The following ERCC4 variants were observed in gnomAD, a reference collection of about 807,000 sequenced individuals.
ERCC4 encodes ERCC excision repair 4, endonuclease catalytic subunit, also known as DNA repair endonuclease XPF.
ERCC4 carries 65 observed loss-of-function variants against 76.9 expected under a neutral mutation model. That is an observed-to-expected ratio of 0.84 (90% CI 0.69 to 1.04). The LOEUF is 1.04. ERCC4 is among the 50% of genes least tolerant of loss of function. The pLI is 0.00. For missense variants in ERCC4, 1,214 were observed against 1,128.2 expected, an observed-to-expected ratio of 1.08 and a Z score of -1.09; for synonymous variants, 463 against 410.1, an observed-to-expected ratio of 1.13 and a Z score of -1.56.
chr16:13,937,899 G>A (rs751519033), intron 9 of ERCC4, 41 bp downstream of exon 9: 2 of 1,209,414 alleles, frequency 1.7e-6, no homozygotes, highest in Admixed American at 3.4e-5. Flanking sequence ...CAACTACATT[G>A]GAAACCTCTG....
chr16:13,943,788 G>A (rs1012755168), intron 9 of ERCC4, among the ~76,000 whole-genome samples: 2 of 140,948 alleles, frequency 1.4e-5, no homozygotes, highest in Admixed American at 6.9e-5. Flanking sequence ...GTGAACCCAA[G>A]CAGGGAAGAG....
At chr16:13,942,809 TAACA>T (rs2032441273) in intron 9 of ERCC4, among the ~76,000 whole-genome samples, 1 of 152,224 alleles carries the variant, frequency 6.6e-6, no homozygotes. Context: ...TTAGCCAGTG[TAACA>T]AGTAGAAACA....
At chr16:13,938,728 T>G (rs1419632334) in intron 9 of ERCC4, among the ~76,000 whole-genome samples, 1 of 152,192 alleles carries the variant, frequency 6.6e-6, no homozygotes, top group Non-Finnish European at 1.5e-5. Context: ...GAAATTATTT[T>G]TAGCAGTAGT....
chr16:13,947,527 A>T (rs2141619533), intron 10 of ERCC4, 87 bp from the exon 11 acceptor site: 1 of 1,300,624 alleles, frequency 7.7e-7, no homozygotes, highest in Non-Finnish European at 1.1e-6. Context: ...CATCAGAGTT[A>T]ACAACAGAAA....
rs1177954651 is a variant in ERCC4, at chr16:13,952,312, G to A, written c.*3965G>A. 1.1e-5 allele frequency: 2 copies of A among 182,774 alleles called. No individual in the cohort carries two copies. The highest frequency in any genetic ancestry group is 2.3e-5 in the Non-Finnish European group (2 of 85,872). 11.3% of individuals were successfully genotyped at this position (182,774 alleles called of 1,614,324 possible). A position where few individuals can be genotyped will look rare whatever the true frequency, so the allele number is the denominator to read the frequency against. On this transcript the variant is annotated 3_prime_UTR_variant, in exon 11 of 11. Coordinates refer to ENST00000311895, the MANE Select transcript of ERCC4 (RefSeq NM_005236.3). ...GTTTCATTTTTTTTGTTTTTGTTAT[G>A]CAGAATAAACAAGGCAGAAATGCTC...
chr16:13,935,721 A>G lies in ERCC4; in HGVS notation c.1789A>G (p.Ser597Gly), dbSNP rs2032277164. The G allele has an allele frequency of 2.5e-6, 4 of 1,613,970 alleles. No individual in the cohort carries two copies. Among genetic ancestry groups the G allele is most frequent in the Non-Finnish European group, 3.4e-6 (4 of 1,179,814 alleles). Residue 597 changes from serine (S) to glycine (G), a missense_variant, in exon 8 of 11, where the codon AGT (serine) becomes GGT (glycine). Coordinates refer to ENST00000311895, the MANE Select transcript of ERCC4 (RefSeq NM_005236.3). ...FVRQLEIYRASRPGKPLRVYF... is the reference protein window; with the variant it reads ...FVRQLEIYRAGRPGKPLRVYF... ...TCGGCAGCTTGAAATTTACAGGGCG[A>G]GTAGGCCTGGGAAACCTCTGAGGCA... is the stretch of plus-strand genomic sequence containing the variant.
chr16:13,932,566 T>G (rs1223641555), intron 6 of ERCC4: 5 of 536,642 alleles, frequency 9.3e-6, no homozygotes, highest in Non-Finnish European at 1.6e-5. Context: ...GTATGCTACA[T>G]GAGGAGCTAT....
intron 3 of ERCC4, chr16:13,927,667 T>G (rs980437796): frequency 4.6e-6 from 1 of 216,936 alleles, no homozygotes; most frequent in African/African-American, 2.3e-5. Flanking sequence ...TAGTAAATAT[T>G]TTGGGCTTTG....
chr16:13,935,790 T>G (rs1596627374), intron 8 of ERCC4, 47 bp downstream of exon 8: 1 of 1,374,064 alleles, frequency 7.3e-7, no homozygotes, highest in East Asian at 2.3e-5. Flanking sequence ...TTCTTTAGGA[T>G]TTAACCCAGA....
chr16:13,923,399 G>T (rs1034632660), intron 2 of ERCC4, among the ~76,000 whole-genome samples: 19 of 149,840 alleles, frequency 1.3e-4, no homozygotes, highest in African/African-American at 4.4e-4. Flanking sequence ...ACTTCTGGAG[G>T]CAGAGAGACT....
In ERCC4 at chr16:13,950,468, G is replaced by A. The variant is rs1424831585; in HGVS notation, c.*2121G>A. ...GGAAAAGGAGAAGAAATAAAAATTA[G>A]TTTAAGATGGAATAAAGATTTGGGC... On this transcript the variant is annotated 3_prime_UTR_variant, in exon 11 of 11. Transcript: ENST00000311895. 3 of 191,254 alleles carry A rather than the reference G, an allele frequency of 1.6e-5. No homozygotes were observed. The highest frequency in any genetic ancestry group is 4.6e-5 in the African/African-American group (2 of 43,054). The allele number at this position is 191,254 out of a possible 1,614,324, so 11.8% of individuals were successfully genotyped here.
At position 13,935,968 on chromosome 16, in the gene ERCC4, C is replaced by T. The variant is rs12597915; in HGVS notation, c.1811+225C>T. Among the ~76,000 whole-genome samples, 43 of 152,300 alleles carry T rather than the reference C, an allele frequency of 2.8e-4. No homozygotes were observed. The East Asian group carries it at 7.7e-3, about 27-fold the overall frequency. On this transcript the variant is annotated intron_variant, in intron 8 of 10. Coordinates refer to ENST00000311895, the MANE Select transcript of ERCC4 (RefSeq NM_005236.3). The stretch of plus-strand genomic sequence containing the variant: ...GGACTGCTCTTGTTCTCGTTACGTG[C>T]TGCTGTGCGTTCTCTCCTTTATTCT...
At chr16:13,944,698 G>A (rs2141616944) in intron 9 of ERCC4, 25 bp from the exon 10 acceptor site, 1 of 1,462,672 alleles carries the variant, frequency 6.8e-7, no homozygotes, top group Non-Finnish European at 9.6e-7. Context: ...TGTTTCAGAA[G>A]TGTTGACAAT....
intron 9 of ERCC4, 87 bp downstream of exon 9, chr16:13,937,945 A>T (rs1463672998): frequency 1.2e-6 from 1 of 864,716 alleles, no homozygotes; most frequent in Middle Eastern, 2.1e-4. Context: ...CTCAGGAAGG[A>T]TAGGGCAAGG....
chr16:13,929,840 T>C (rs1437862826), intron 4 of ERCC4, among the ~76,000 whole-genome samples: 1 of 152,182 alleles, frequency 6.6e-6, no homozygotes. Context: ...TGGCAACGCC[T>C]GTAGTCCCAG....
chr16:13,931,190 G>T (rs763123706), intron 5 of ERCC4: 2 of 337,722 alleles, frequency 5.9e-6, no homozygotes, highest in Non-Finnish European at 5.5e-6. Context: ...TGTTCTGGAA[G>T]TTTAGTTGTT....
At chr16:13,947,488 A>G in intron 10 of ERCC4, 126 bp from the exon 11 acceptor site, 1 of 1,013,220 alleles carries the variant, frequency 9.9e-7, no homozygotes, top group South Asian at 1.3e-5. Flanking sequence ...ATTATATGGA[A>G]TATTACCATA....
rs2141936987 is a variant in ERCC4 at position 13,920,207 on chromosome 16, G to A, written c.42G>A (p.Pro14=). 1.2e-6 allele frequency: 2 copies of A among 1,607,312 alleles called. No homozygotes were observed. Among genetic ancestry groups the A allele is most frequent in the Non-Finnish European group, 1.7e-6 (2 of 1,179,924 alleles). The part of the protein sequence containing the change: ...GQPARRIAMA[P]LLEYERQLVL... ...CGGCTCGACGGATTGCCATGGCGCCGCTGCTGGAGTACGAGCGACAGCTGG... is the reference window on the plus strand; with the variant it reads ...CGGCTCGACGGATTGCCATGGCGCCACTGCTGGAGTACGAGCGACAGCTGG... The change falls in exon 1 of 11, where the codon CCG becomes CCA. Residue 14 remains proline, a synonymous_variant. Transcript: ENST00000311895.
intron 7 of ERCC4, 188 bp from the exon 8 acceptor site, chr16:13,934,958 A>G (rs1294845600): frequency 3.5e-6 from 2 of 564,204 alleles, no homozygotes; most frequent in Non-Finnish European, 6.3e-6. Context: ...AAAAGATTTA[A>G]GTAATCTTGC....
Sources: allele counts gnomAD v4.1 joint callset (sites outside exome capture counted in the v4.1 genomes callset), GRCh38; gene constraint gnomAD v4.1.1; transcripts MANE v1.5; gene names NCBI Gene and HGNC (gene_info 2026-07-23, HGNC 2026-07-21).